The following RGS21 variants were observed in gnomAD, a reference collection of about 807,000 sequenced individuals.
RGS21 encodes the protein regulator of G-protein signalling 21.
In RGS21, 19 loss-of-function variants were observed where a neutral mutation model predicts 18.7. The observed-to-expected ratio is 1.01, with a 90% confidence interval of 0.71 to 1.49. RGS21 has a LOEUF of 1.49. RGS21 is among the 40% of genes most tolerant of loss of function. The pLI, the probability that RGS21 is intolerant of heterozygous loss-of-function variation, is 0.00. For synonymous variants in RGS21, 56 were observed against 57.8 expected (o/e 0.97, Z 0.14); for missense variants, 194 against 176.8 (o/e 1.10, Z -0.55).
Position 192,342,936 on chromosome 1 carries a change from G to A in RGS21, c.-60-41G>A, listed in dbSNP as rs761541954. On this transcript the variant is annotated intron_variant, in intron 1 of 4. Transcript: ENST00000417209. ...TTTGTAACCCAGGGGATAGGTATTC[G>A]CATACTAATTGTAATGTTCCTGCTG... 70 of 1,154,796 alleles carry A rather than the reference G, an allele frequency of 6.1e-5. 1 individual carries two copies. The highest frequency in any genetic ancestry group is 8.5e-5 in the Non-Finnish European group (65 of 764,244). 71.5% of individuals were successfully genotyped at this position (1,154,796 alleles called of 1,614,324 possible).
intron 3 of RGS21, among the ~76,000 whole-genome samples, chr1:192,347,788 T>C (rs1322868556): frequency 6.6e-6 from 1 of 151,640 alleles, no homozygotes; most frequent in Non-Finnish European, 1.5e-5. Flanking sequence ...GCCTCCTGAG[T>C]AGCTGAGATT....
chr1:192,334,087 G>A (rs1476414906), intron 1 of RGS21, among the ~76,000 whole-genome samples: 2 of 152,136 alleles, frequency 1.3e-5, no homozygotes, highest in Admixed American at 6.5e-5. Flanking sequence ...ATAAAAAGAT[G>A]TATATATAGC....
intron 1 of RGS21, among the ~76,000 whole-genome samples, chr1:192,338,087 C>CTATACATCCAAATGAGCGTTA (rs1320513040): frequency 6.6e-6 from 1 of 152,122 alleles, no homozygotes; most frequent in Non-Finnish European, 1.5e-5. Context: ...ATACTAAGAA[C>CTATACATCCAAATGAGCGTTA]TATACATCCA....
intron 2 of RGS21, among the ~76,000 whole-genome samples, chr1:192,345,240 A>G (rs184978697): frequency 3.9e-4 from 60 of 152,236 alleles, no homozygotes; most frequent in African/African-American, 1.4e-3. Flanking sequence ...AATGGATGTC[A>G]GCTATTCTCT....
At chr1:192,343,777 C>T (rs1260898511) in intron 2 of RGS21, among the ~76,000 whole-genome samples, 1 of 151,932 alleles carries the variant, frequency 6.6e-6, no homozygotes, top group Non-Finnish European at 1.5e-5. Context: ...TCTGATTATG[C>T]ATCACAATTT....
chr1:192,347,530 C>A (rs192525170), intron 3 of RGS21, 141 bp downstream of exon 3: 6,731 of 523,336 alleles, frequency 0.013, 67 homozygotes, highest in Middle Eastern at 0.021. Context: ...CATAAAAATC[C>A]AAAATCTAAA....
intron 1 of RGS21, among the ~76,000 whole-genome samples, chr1:192,325,186 A>G (rs764363093): frequency 2.6e-5 from 4 of 152,084 alleles, no homozygotes; most frequent in Non-Finnish European, 5.9e-5. Flanking sequence ...ACATGGACAC[A>G]ATGTTTAGCT....
At chr1:192,320,381 T>C (rs1406595935) in intron 1 of RGS21, among the ~76,000 whole-genome samples, 2 of 152,098 alleles carry the variant, frequency 1.3e-5, no homozygotes, top group African/African-American at 4.8e-5. Flanking sequence ...CAAGAATACA[T>C]GCACACAGAT....
At chr1:192,338,094 T>A (rs1385995250) in intron 1 of RGS21, among the ~76,000 whole-genome samples, 1 of 152,100 alleles carries the variant, frequency 6.6e-6, no homozygotes, top group Non-Finnish European at 1.5e-5. Context: ...GAACTATACA[T>A]CCAAATGAGC....
chr1:192,340,519 G>T (rs1175329295), intron 1 of RGS21, among the ~76,000 whole-genome samples: 2 of 152,018 alleles, frequency 1.3e-5, no homozygotes, highest in Non-Finnish European at 1.5e-5. Context: ...CTTAAGGAGG[G>T]TTTTAAAGAG....
Position 192,366,376 on chromosome 1 carries a change from C to A in RGS21, c.*252C>A, listed in dbSNP as rs996237111. On this transcript the variant is annotated 3_prime_UTR_variant, in exon 5 of 5. Coordinates refer to ENST00000417209, the MANE Select transcript of RGS21 (RefSeq NM_001039152.3). ...ATAGAGATACAATATAGTCTTAAACCAAAACTGAATATTCTTATTATATTA... is the reference window on the plus strand; with the variant it reads ...ATAGAGATACAATATAGTCTTAAACAAAAACTGAATATTCTTATTATATTA... 1 of 322,280 alleles carries A rather than the reference C, an allele frequency of 3.1e-6. No individual in the cohort carries two copies. The highest frequency in any genetic ancestry group is 5.7e-6 in the Non-Finnish European group (1 of 176,134). The allele number at this position is 322,280 out of a possible 1,614,324, so 20.0% of individuals were successfully genotyped here. A position where few individuals can be genotyped will look rare whatever the true frequency, so the allele number is the denominator to read the frequency against.
At chr1:192,329,971 G>A (rs893016554) in intron 1 of RGS21, among the ~76,000 whole-genome samples, 15 of 151,940 alleles carry the variant, frequency 9.9e-5, no homozygotes, top group African/African-American at 3.6e-4. Flanking sequence ...AAAGGTTGAG[G>A]GAAGAAGAAA....
chr1:192,364,696 C>A (rs1323149780), intron 4 of RGS21, among the ~76,000 whole-genome samples: 1 of 151,972 alleles, frequency 6.6e-6, no homozygotes, highest in African/African-American at 2.4e-5. Context: ...CTGCATTTTT[C>A]CAAGGGACAT....
At chr1:192,339,190 C>T (rs1239256618) in intron 1 of RGS21, among the ~76,000 whole-genome samples, 1 of 151,408 alleles carries the variant, frequency 6.6e-6, no homozygotes, top group African/African-American at 2.4e-5. Context: ...GACATTCTTA[C>T]TTGGATGTCA....
intron 4 of RGS21, among the ~76,000 whole-genome samples, chr1:192,354,324 GT>G (rs1659083231): frequency 6.6e-6 from 1 of 151,708 alleles, no homozygotes; most frequent in African/African-American, 2.4e-5. Context: ...GAGAGTTAAA[GT>G]TAGATTTGCG....
chr1:192,353,173 T>C (rs1052665932), intron 4 of RGS21, among the ~76,000 whole-genome samples: 5 of 151,972 alleles, frequency 3.3e-5, no homozygotes, highest in African/African-American at 1.2e-4. Flanking sequence ...GAAAAAAAGA[T>C]AGACTAGATG....
At chr1:192,353,160 T>C (rs190505291) in intron 4 of RGS21, among the ~76,000 whole-genome samples, 3 of 151,866 alleles carry the variant, frequency 2.0e-5, no homozygotes, top group Non-Finnish European at 4.4e-5. Flanking sequence ...GTTGTACTTA[T>C]AGGAAAAAAA....
At position 192,339,224 on chromosome 1, in the gene RGS21, T is replaced by TA. The variant is rs1405111005; in HGVS notation, c.-60-3753_-60-3752insA. ...CATACAATCAAATCGGCATTTTTTT[T>TA]TAAAAAAAAAGAACATTGTTTAGCA... On this transcript the variant is annotated intron_variant, in intron 1 of 4. Transcript: ENST00000417209. 1.2e-4 allele frequency among the ~76,000 whole-genome samples: 18 copies of TA among 151,066 alleles called. 1 individual carries two copies. Among genetic ancestry groups the TA allele is most frequent in the South Asian group, 2.1e-4 (1 of 4,816 alleles).
At chr1:192,334,961 C>A (rs547389818) in intron 1 of RGS21, among the ~76,000 whole-genome samples, 8 of 152,172 alleles carry the variant, frequency 5.3e-5, no homozygotes, top group African/African-American at 1.9e-4. Flanking sequence ...CTCTTTTTAA[C>A]ATGTATTTCA....
Sources: allele counts gnomAD v4.1 joint callset (sites outside exome capture counted in the v4.1 genomes callset), GRCh38; gene constraint gnomAD v4.1.1; transcripts MANE v1.5; gene names NCBI Gene and HGNC (gene_info 2026-07-23, HGNC 2026-07-21).